The following TBC1D22A variants were observed in gnomAD, a reference collection of about 807,000 sequenced individuals.
The protein encoded by TBC1D22A is TBC1 domain family member 22A.
TBC1D22A carries 38 observed loss-of-function variants against 60.2 expected under a neutral mutation model. The ratio of observed to expected loss-of-function variants is 0.63; its 90% CI spans 0.49 to 0.83. The LOEUF (loss-of-function observed/expected upper bound fraction) is 0.83. TBC1D22A is among the 40% of genes least tolerant of loss of function. TBC1D22A has a pLI of 0.00. For missense variants in TBC1D22A, 628 were observed against 701.0 expected, an observed-to-expected ratio of 0.90 and a Z score of 1.18; for synonymous variants, 302 against 281.7, an observed-to-expected ratio of 1.07 and a Z score of -0.72.
At chr22:47,171,265 C>T (rs546913838) in intron 12 of TBC1D22A, among the ~76,000 whole-genome samples, 46 of 152,318 alleles carry the variant, frequency 3.0e-4, no homozygotes, top group Admixed American at 2.2e-3. Context: ...TCGAGGCAGG[C>T]GACATGGGCA....
intron 10 of TBC1D22A, among the ~76,000 whole-genome samples, chr22:47,010,909 T>G (rs1419504717): frequency 6.6e-6 from 1 of 152,218 alleles, no homozygotes; most frequent in Admixed American, 6.5e-5. Flanking sequence ...TGGGTTCTAG[T>G]TCAGCCTCGG....
intron 12 of TBC1D22A, among the ~76,000 whole-genome samples, chr22:47,142,297 T>TTCCA (rs1163819356): frequency 1.6e-3 from 151 of 96,398 alleles, no homozygotes; most frequent in African/African-American, 5.6e-3. Flanking sequence ...CCACCCATTC[T>TTCCA]TCCATCCATC....
At chr22:46,931,287 T>A (rs984724108) in intron 8 of TBC1D22A, among the ~76,000 whole-genome samples, 8 of 152,260 alleles carry the variant, frequency 5.3e-5, no homozygotes, top group African/African-American at 1.9e-4. Flanking sequence ...TTGGACCTTT[T>A]CCTTCAGAGA....
At chr22:46,797,177 C>T (rs2084690634) in intron 3 of TBC1D22A, among the ~76,000 whole-genome samples, 3 of 152,168 alleles carry the variant, frequency 2.0e-5, no homozygotes, top group South Asian at 2.1e-4. Context: ...CCACACAGCC[C>T]GAGGGGCCCT....
At chr22:46,926,593 G>A (rs1253288444) in intron 8 of TBC1D22A, among the ~76,000 whole-genome samples, 1 of 152,006 alleles carries the variant, frequency 6.6e-6, no homozygotes, top group East Asian at 1.9e-4. Flanking sequence ...ATGTATTTTA[G>A]ATGTGATTAA....
At chr22:47,038,919 C>T (rs1053536905) in intron 11 of TBC1D22A, among the ~76,000 whole-genome samples, 2 of 152,168 alleles carry the variant, frequency 1.3e-5, no homozygotes, top group Admixed American at 6.5e-5. Flanking sequence ...TGCTATTGAT[C>T]GGCTCTCTGT....
At position 46,987,072 on chromosome 22, in the gene TBC1D22A, G is replaced by A. The variant is rs369954056; in HGVS notation, c.1126-10562G>A. ...GGGATAGTCAGACCTCTTGCTGGAT[G>A]GTACAAGGCTCCCAGTGAGACTCTG... On this transcript the variant is annotated intron_variant, in intron 9 of 12. Coordinates refer to ENST00000337137, the MANE Select transcript of TBC1D22A (RefSeq NM_014346.5). Among the ~76,000 whole-genome samples, 12 of 152,280 alleles carry A rather than the reference G, an allele frequency of 7.9e-5. No homozygotes were observed. In the East Asian group the frequency reaches 2.3e-3, roughly 29 times the overall value.
chr22:46,824,682 C>T (rs1202218605), intron 4 of TBC1D22A, among the ~76,000 whole-genome samples: 2 of 151,568 alleles, frequency 1.3e-5, no homozygotes, highest in East Asian at 1.9e-4. Flanking sequence ...TGGCTGGAGT[C>T]GGTGGAGGTG....
At chr22:47,172,974 G>C (rs1349894804) in intron 12 of TBC1D22A, among the ~76,000 whole-genome samples, 1 of 152,226 alleles carries the variant, frequency 6.6e-6, no homozygotes, top group East Asian at 1.9e-4. Flanking sequence ...GTCTCCTGGT[G>C]CACAGAAATC....
intron 11 of TBC1D22A, among the ~76,000 whole-genome samples, chr22:47,089,494 C>G (rs2064832218): frequency 6.6e-6 from 1 of 152,182 alleles, no homozygotes; most frequent in Admixed American, 6.5e-5. Context: ...CACATCACAC[C>G]ACACGTAGAC....
chr22:47,159,964 C>A (rs1332028085), intron 12 of TBC1D22A, among the ~76,000 whole-genome samples: 1 of 132,272 alleles, frequency 7.6e-6, no homozygotes, highest in African/African-American at 3.2e-5. Context: ...AGCACACATA[C>A]AAACCATACA....
chr22:46,944,569 C>T (rs367575473), intron 8 of TBC1D22A, among the ~76,000 whole-genome samples: 6 of 152,004 alleles, frequency 3.9e-5, no homozygotes, highest in East Asian at 3.9e-4. Flanking sequence ...CGGCTAATTT[C>T]TTGTATTTTT....
At chr22:47,014,681 C>T (rs912004636) in intron 10 of TBC1D22A, among the ~76,000 whole-genome samples, 3 of 152,136 alleles carry the variant, frequency 2.0e-5, no homozygotes, top group Admixed American at 6.5e-5. Flanking sequence ...GACTCTTGTC[C>T]GAGTCACGCA....
intron 8 of TBC1D22A, among the ~76,000 whole-genome samples, chr22:46,973,434 C>T (rs74571463): frequency 0.013 from 2,003 of 152,350 alleles, 14 homozygotes; most frequent in Non-Finnish European, 0.023. Context: ...TCAACACCAG[C>T]GGCAGCATCA....
chr22:47,086,778 G>A (rs536839784), intron 11 of TBC1D22A, among the ~76,000 whole-genome samples: 1 of 152,292 alleles, frequency 6.6e-6, no homozygotes, highest in South Asian at 2.1e-4. Context: ...CAGGGACCCA[G>A]CAAGAATGAG....
At chr22:47,013,337 T>C (rs144045268) in intron 10 of TBC1D22A, among the ~76,000 whole-genome samples, 2,043 of 152,186 alleles carry the variant, frequency 0.013, 21 homozygotes, top group Middle Eastern at 0.034. Context: ...GATGATATCT[T>C]TGTGACTCTC....
intron 12 of TBC1D22A, among the ~76,000 whole-genome samples, chr22:47,138,131 G>A (rs1010793403): frequency 6.6e-6 from 1 of 152,190 alleles, no homozygotes; most frequent in African/African-American, 2.4e-5. Flanking sequence ...CGCAGTCCTC[G>A]TGGGATCGTC....
At chr22:46,961,727 G>A (rs2148058288) in intron 8 of TBC1D22A, among the ~76,000 whole-genome samples, 1 of 152,270 alleles carries the variant, frequency 6.6e-6, no homozygotes, top group East Asian at 1.9e-4. Context: ...ACTCCAGGAC[G>A]GGGGCACGGA....
At chr22:47,000,036 C>A (rs1410333141) in intron 10 of TBC1D22A, among the ~76,000 whole-genome samples, 1 of 152,130 alleles carries the variant, frequency 6.6e-6, no homozygotes, top group East Asian at 1.9e-4. Flanking sequence ...AAAACAAAAA[C>A]CAAGCCTCTC....
Sources: gnomAD v4.1 joint callset for allele counts (sites outside exome capture counted in the v4.1 genomes callset) on GRCh38, gnomAD v4.1.1 for gene constraint, MANE v1.5 for transcripts, NCBI Gene and HGNC (gene_info 2026-07-23, HGNC 2026-07-21) for gene names.